The following KCNIP4 variants were observed in gnomAD, a reference collection of about 807,000 sequenced individuals.
KCNIP4 encodes the protein Kv channel-interacting protein 4.
KCNIP4 carries 12 observed loss-of-function variants against 34.0 expected under a neutral mutation model. The ratio of observed to expected loss-of-function variants is 0.35; its 90% confidence interval spans 0.23 to 0.57. The LOEUF (loss-of-function observed/expected upper bound fraction) is 0.57. KCNIP4 is among the 20% of genes least tolerant of loss of function. The pLI, the probability that KCNIP4 is intolerant of heterozygous loss-of-function variation, is 0.83. For synonymous variants in KCNIP4, 124 were observed against 102.2 expected (o/e 1.21, Z -1.29); for missense variants, 238 against 311.7 (o/e 0.76, Z 1.78).
Position 21,773,742 on chromosome 4 carries a change from G to GT in KCNIP4, c.61+174828dup, listed in dbSNP as rs1553930230. Among the ~76,000 whole-genome samples, 149 of 34,462 alleles carry GT rather than the reference G, an allele frequency of 4.3e-3. 4 individuals are homozygous for GT. The highest frequency in any genetic ancestry group is 5.2e-3 in the African/African-American group (146 of 28,204). The allele number at this position is 34,462 out of a possible 152,430, so 22.6% of individuals were successfully genotyped here. ...AGCATTGCAACCCCTGTTTTTTTTT[G>GT]TTGTTTTTTTTTTTTTGTTTGTTTG... is the stretch of plus-strand genomic sequence containing the variant. On this transcript the variant is annotated intron_variant, in intron 1 of 8. Coordinates refer to ENST00000382152, the MANE Select transcript of KCNIP4 (RefSeq NM_025221.6).
At chr4:21,413,393 T>C (rs1316621397) in intron 1 of KCNIP4, among the ~76,000 whole-genome samples, 1 of 152,208 alleles carries the variant, frequency 6.6e-6, no homozygotes, top group East Asian at 1.9e-4. Context: ...AATAAATGCT[T>C]TTAATTGCTT....
chr4:21,897,132 TTTACTA>T (rs2109413707), intron 1 of KCNIP4, among the ~76,000 whole-genome samples: 1 of 152,236 alleles, frequency 6.6e-6, no homozygotes, highest in South Asian at 2.1e-4. Flanking sequence ...ATGCTTTACT[TTTACTA>T]TAAGAGAACA....
chr4:21,515,962 A>C (rs1400072831), intron 1 of KCNIP4, among the ~76,000 whole-genome samples: 1 of 152,072 alleles, frequency 6.6e-6, no homozygotes. Context: ...AAATTGGCTA[A>C]GAGAATGAGG....
chr4:21,323,622 T>C (rs535244414), intron 1 of KCNIP4, among the ~76,000 whole-genome samples: 63 of 152,238 alleles, frequency 4.1e-4, no homozygotes, highest in Non-Finnish European at 5.7e-4. Flanking sequence ...TGAGTAGTAC[T>C]CCATTGTGTT....
intron 1 of KCNIP4, among the ~76,000 whole-genome samples, chr4:21,809,566 G>A (rs752510528): frequency 2.6e-5 from 4 of 152,102 alleles, no homozygotes; most frequent in Non-Finnish European, 5.9e-5. Flanking sequence ...CATGTTTAAT[G>A]TAGGTATCTC....
At chr4:20,919,417 A>AAG (rs398107071) in intron 1 of KCNIP4, among the ~76,000 whole-genome samples, 1 of 150,926 alleles carries the variant, frequency 6.6e-6, no homozygotes, top group Non-Finnish European at 1.5e-5. Flanking sequence ...TAAAAAAAAA[A>AAG]GATAGATCGG....
chr4:20,790,853 C>T (rs73802333), intron 3 of KCNIP4, among the ~76,000 whole-genome samples: 2,651 of 152,086 alleles, frequency 0.017, 81 homozygotes, highest in African/African-American at 0.061. Context: ...GCAGAATTTT[C>T]CAAGTGCCAT....
In KCNIP4 at chr4:21,939,794, A is replaced by C. The variant is rs549580174; in HGVS notation, c.61+8777T>G. Among the ~76,000 whole-genome samples the C allele has an allele frequency of 2.6e-5, 4 of 152,296 alleles. No homozygotes were observed. The South Asian group carries it at 6.2e-4, about 24-fold the overall frequency. ...AGATGATATGGAAAAAGTGATTTAA[A>C]ATTCTTGGAAAGGATGTGAGAAAAG... is the stretch of plus-strand genomic sequence containing the variant. On this transcript the variant is annotated intron_variant, in intron 1 of 8. Transcript: ENST00000382152.
intron 1 of KCNIP4, among the ~76,000 whole-genome samples, chr4:21,926,733 T>C (rs1251952859): frequency 6.6e-6 from 1 of 152,174 alleles, no homozygotes; most frequent in Non-Finnish European, 1.5e-5. Context: ...CCTCTTAGAC[T>C]ACCTCTAAGA....
chr4:21,243,460 A>G (rs1258565597), intron 1 of KCNIP4, among the ~76,000 whole-genome samples: 1 of 152,212 alleles, frequency 6.6e-6, no homozygotes, highest in African/African-American at 2.4e-5. Flanking sequence ...GCCTACTAAA[A>G]TACAGATTGG....
chr4:20,968,326 G>T (rs1216056649), intron 1 of KCNIP4, among the ~76,000 whole-genome samples: 1 of 152,290 alleles, frequency 6.6e-6, no homozygotes, highest in South Asian at 2.1e-4. Flanking sequence ...TACACTGTTG[G>T]TGGGAGTGTA....
At chr4:21,789,145 G>C (rs993332088) in intron 1 of KCNIP4, among the ~76,000 whole-genome samples, 2 of 151,160 alleles carry the variant, frequency 1.3e-5, no homozygotes, top group African/African-American at 2.4e-5. Flanking sequence ...CACACAGCTG[G>C]TGCAGGTATT....
chr4:20,729,497 T>TAAATGTTTAA lies in KCNIP4; in HGVS notation c.*575_*584dup, dbSNP rs1181079375. ...TAATTTTTAAATGTTTAATAATTTT[T>TAAATGTTTAA]AAATGTTTAAAAATGCCAGATAAAA... is the stretch of plus-strand genomic sequence containing the variant. On this transcript the variant is annotated 3_prime_UTR_variant, in exon 9 of 9. Coordinates refer to ENST00000382152, the MANE Select transcript of KCNIP4 (RefSeq NM_025221.6). 3.5e-5 allele frequency: 5 copies of TAAATGTTTAA among 142,520 alleles called. No individual in the cohort carries two copies. Among genetic ancestry groups the TAAATGTTTAA allele is most frequent in the Non-Finnish European group, 6.1e-5 (4 of 65,264 alleles). 8.8% of individuals were successfully genotyped at this position (142,520 alleles called of 1,614,324 possible).
intron 1 of KCNIP4, among the ~76,000 whole-genome samples, chr4:21,283,066 C>T (rs1370841532): frequency 1.3e-5 from 2 of 152,068 alleles, no homozygotes; most frequent in Non-Finnish European, 2.9e-5. Flanking sequence ...AAAAAAGAAA[C>T]AACAAAAACT....
chr4:21,835,289 T>C (rs1472195352), intron 1 of KCNIP4, among the ~76,000 whole-genome samples: 2 of 152,048 alleles, frequency 1.3e-5, no homozygotes, highest in Admixed American at 6.6e-5. Flanking sequence ...AAATGACTAT[T>C]TGCAAACTCC....
intron 1 of KCNIP4, among the ~76,000 whole-genome samples, chr4:21,409,167 C>A (rs2109581935): frequency 6.6e-6 from 1 of 151,652 alleles, no homozygotes; most frequent in Admixed American, 6.6e-5. Context: ...AATGCAATGG[C>A]ATGATCATAG....
chr4:20,772,069 G>T (rs542638816), intron 3 of KCNIP4, among the ~76,000 whole-genome samples: 1 of 152,256 alleles, frequency 6.6e-6, no homozygotes, highest in Non-Finnish European at 1.5e-5. Context: ...AAGTAGAAAA[G>T]GTAGATGTTT....
At chr4:20,920,581 G>C (rs1341444296) in intron 1 of KCNIP4, among the ~76,000 whole-genome samples, 7 of 152,174 alleles carry the variant, frequency 4.6e-5, no homozygotes, top group African/African-American at 1.7e-4. Context: ...GTTGCAGACT[G>C]GACTTTTGTC....
intron 1 of KCNIP4, among the ~76,000 whole-genome samples, chr4:20,947,010 G>A (rs560825001): frequency 2.0e-4 from 31 of 152,222 alleles, no homozygotes; most frequent in African/African-American, 6.7e-4. Flanking sequence ...AGCTGTGAAC[G>A]TCCTCTTCTT....
Sources: allele counts gnomAD v4.1 joint callset (sites outside exome capture counted in the v4.1 genomes callset), GRCh38; gene constraint gnomAD v4.1.1; transcripts MANE v1.5; gene names NCBI Gene and HGNC (gene_info 2026-07-23, HGNC 2026-07-21).